The following DLGAP2 variants were observed in gnomAD, a reference collection of about 807,000 sequenced individuals.
DLGAP2 encodes the protein disks large-associated protein 2.
DLGAP2 carries 26 observed loss-of-function variants against 100.3 expected under a neutral mutation model. The observed-to-expected ratio is 0.26, with a 90% CI of 0.19 to 0.36. The LOEUF (loss-of-function observed/expected upper bound fraction) is 0.36. Ranked by LOEUF, DLGAP2 falls within the 10% of genes least tolerant of loss-of-function variation. The probability of loss-of-function intolerance (pLI) is 1.00; values close to 1 mark genes in which losing one functional copy is unlikely to be tolerated. For missense variants in DLGAP2, 1,858 were observed against 1,453.2 expected, an observed-to-expected ratio of 1.28 and a Z score of -4.53; for synonymous variants, 886 against 630.1, an observed-to-expected ratio of 1.41 and a Z score of -6.08.
intron 2 of DLGAP2, among the ~76,000 whole-genome samples, chr8:1,169,762 T>A (rs1284456540): frequency 1.3e-5 from 2 of 151,764 alleles, no homozygotes; most frequent in Non-Finnish European, 2.9e-5. Context: ...AAGTTGCTTA[T>A]CAGCTTAAGG....
In DLGAP2 at chr8:1,052,731, G is replaced by A. The variant is rs558038769; in HGVS notation, c.73+144765G>A. ...GAATAACTCATCTGGGTAATACAGG[G>A]AGGGGTTTTCTAGGGGCTCGGTTAC... On this transcript the variant is annotated intron_variant, in intron 2 of 14. Coordinates refer to ENST00000637795, the MANE Select transcript of DLGAP2 (RefSeq NM_001346810.2). Among the ~76,000 whole-genome samples the A allele has an allele frequency of 8.5e-5, 13 of 152,294 alleles. No homozygotes were observed. In the East Asian group the frequency reaches 2.1e-3, roughly 25 times the overall value.
intron 5 of DLGAP2, among the ~76,000 whole-genome samples, chr8:1,559,520 A>G (rs796796943): frequency 1.5e-4 from 23 of 152,334 alleles, no homozygotes; most frequent in African/African-American, 5.5e-4. Context: ...CTGTATTGAA[A>G]TTTCTTCTGT....
Position 1,206,154 on chromosome 8 carries a change from T to G in DLGAP2, c.74-52697T>G, listed in dbSNP as rs565422356. On this transcript the variant is annotated intron_variant, in intron 2 of 14. Coordinates refer to ENST00000637795, the MANE Select transcript of DLGAP2 (RefSeq NM_001346810.2). Reference sequence around the variant, plus strand: ...CTGCTCGGTGGATCACAAAGGAGTTTGAAGGGAAGGCGCTGTGAGAAGGGT... The same window carrying G: ...CTGCTCGGTGGATCACAAAGGAGTTGGAAGGGAAGGCGCTGTGAGAAGGGT... Among the ~76,000 whole-genome samples, 100 of 152,306 alleles carry G rather than the reference T, an allele frequency of 6.6e-4. 1 individual carries two copies. Among genetic ancestry groups the G allele is most frequent in the African/African-American group, 2.3e-3 (95 of 41,572 alleles).
intron 2 of DLGAP2, among the ~76,000 whole-genome samples, chr8:910,860 G>A (rs1038710406): frequency 1.3e-5 from 2 of 152,036 alleles, no homozygotes; most frequent in Non-Finnish European, 1.5e-5. Flanking sequence ...AAAAAGGATC[G>A]CCAAGCAGAG....
chr8:1,157,878 G>A (rs1041891901), intron 2 of DLGAP2, among the ~76,000 whole-genome samples: 11 of 152,154 alleles, frequency 7.2e-5, no homozygotes, highest in African/African-American at 2.7e-4. Flanking sequence ...AGATGCTGCC[G>A]GTGTTCCGTC....
chr8:1,469,080 T>C (rs1419894279), intron 3 of DLGAP2, among the ~76,000 whole-genome samples: 1 of 151,878 alleles, frequency 6.6e-6, no homozygotes, highest in Non-Finnish European at 1.5e-5. Context: ...ACGCATGACA[T>C]GTCCTGTCAT....
At chr8:901,586 G>T (rs1051421746) in intron 1 of DLGAP2, among the ~76,000 whole-genome samples, 14 of 152,154 alleles carry the variant, frequency 9.2e-5, no homozygotes, top group Non-Finnish European at 2.9e-5. Context: ...GAGGGCTTGA[G>T]AAATGCCGGG....
chr8:1,284,374 A>G (rs1799880493), intron 3 of DLGAP2, among the ~76,000 whole-genome samples: 1 of 152,156 alleles, frequency 6.6e-6, no homozygotes, highest in Admixed American at 6.5e-5. Context: ...ACCCATTAAA[A>G]TGATCCCATC....
intron 4 of DLGAP2, among the ~76,000 whole-genome samples, chr8:1,541,427 A>G (rs1192458458): frequency 6.6e-6 from 1 of 152,202 alleles, no homozygotes; most frequent in South Asian, 2.1e-4. Context: ...ATATCAGTAA[A>G]TATCCTGAGC....
chr8:994,108 G>A lies in DLGAP2; in HGVS notation c.73+86142G>A, dbSNP rs146223806. The stretch of plus-strand genomic sequence containing the variant: ...GACTGGTGTTTTCGTATTAGAAATC[G>A]CCACTGCACTACAATGTCATTAGTG... On this transcript the variant is annotated intron_variant, in intron 2 of 14. Coordinates refer to ENST00000637795, the MANE Select transcript of DLGAP2 (RefSeq NM_001346810.2). Among the ~76,000 whole-genome samples the A allele has an allele frequency of 4.7e-3, 716 of 152,210 alleles. 6 individuals carry two copies. Among genetic ancestry groups the A allele is most frequent in the African/African-American group, 0.015 (627 of 41,526 alleles).
At chr8:1,229,702 A>G (rs901721038) in intron 2 of DLGAP2, among the ~76,000 whole-genome samples, 3 of 152,210 alleles carry the variant, frequency 2.0e-5, no homozygotes, top group Admixed American at 6.5e-5. Context: ...TTGGGATGCA[A>G]GGTTGGTTCA....
intron 8 of DLGAP2, among the ~76,000 whole-genome samples, chr8:1,649,913 C>A (rs1325628562): frequency 1.3e-5 from 2 of 152,028 alleles, no homozygotes; most frequent in African/African-American, 2.4e-5. Flanking sequence ...TCAAATGTTA[C>A]CATGAGTACA....
At position 1,633,016 on chromosome 8, in the gene DLGAP2, G is replaced by T. The variant is rs1797687401; in HGVS notation, c.1780G>T (p.Asp594Tyr). The change falls in exon 8 of 15, where the codon GAC (aspartate) becomes TAC (tyrosine). Residue 594 changes from aspartate (D) to tyrosine (Y), a missense_variant. Physicochemically the swap from Asp to Tyr is radical, Grantham distance 160. Coordinates refer to ENST00000637795, the MANE Select transcript of DLGAP2 (RefSeq NM_001346810.2). ...ATGTATTCCCATGATGACACCCTCT[G>T]ACATCACCTCCACCATCAGGTCAAC... ...DECIPMMTPSDITSTIRSTAA... is the reference protein window; with the variant it reads ...DECIPMMTPSYITSTIRSTAA... 6.2e-7 allele frequency: 1 copy of T among 1,613,822 alleles called. No homozygotes were observed. The highest frequency in any genetic ancestry group is 1.3e-5 in the African/African-American group (1 of 74,894).
chr8:752,021 T>C (rs952330879), intron 1 of DLGAP2, among the ~76,000 whole-genome samples: 28 of 152,270 alleles, frequency 1.8e-4, no homozygotes, highest in African/African-American at 6.5e-4. Flanking sequence ...CATTTGCTTC[T>C]GGCTTAGAAG....
At chr8:1,337,518 G>A (rs1217602590) in intron 3 of DLGAP2, among the ~76,000 whole-genome samples, 1 of 151,472 alleles carries the variant, frequency 6.6e-6, no homozygotes, top group Non-Finnish European at 1.5e-5. Context: ...TGATGGTGAT[G>A]CTGATGATAG....
intron 6 of DLGAP2, among the ~76,000 whole-genome samples, chr8:1,596,582 G>A (rs113264559): frequency 0.011 from 1,675 of 152,206 alleles, 42 homozygotes; most frequent in African/African-American, 0.039. Flanking sequence ...GCATCAGATG[G>A]TATCTCATTA....
chr8:1,450,734 C>T (rs1275884960), intron 3 of DLGAP2, among the ~76,000 whole-genome samples: 1 of 152,110 alleles, frequency 6.6e-6, no homozygotes, highest in Non-Finnish European at 1.5e-5. Context: ...AAGCGACAGG[C>T]ACCGTCCTCC....
chr8:965,677 C>G (rs1476969167), intron 2 of DLGAP2, among the ~76,000 whole-genome samples: 2 of 143,302 alleles, frequency 1.4e-5, no homozygotes, highest in African/African-American at 5.4e-5. Context: ...GCACTGCACA[C>G]GGCACTGTTC....
intron 1 of DLGAP2, among the ~76,000 whole-genome samples, chr8:794,214 G>A (rs928180695): frequency 6.6e-6 from 1 of 151,948 alleles, no homozygotes; most frequent in South Asian, 2.1e-4. Context: ...GTTTCTAGCT[G>A]CAGAATGGGG....
Sources: gnomAD v4.1 joint callset for allele counts (sites outside exome capture counted in the v4.1 genomes callset) on GRCh38, gnomAD v4.1.1 for gene constraint, MANE v1.5 for transcripts, NCBI Gene and HGNC (gene_info 2026-07-23, HGNC 2026-07-21) for gene names.